The following GPR107 variants were observed in gnomAD, a reference collection of about 807,000 sequenced individuals.
GPR107 encodes G protein-coupled receptor 107.
In GPR107, 31 loss-of-function variants were observed where a neutral mutation model predicts 75.5. The observed-to-expected ratio is 0.41, with a 90% CI of 0.31 to 0.55. The LOEUF (loss-of-function observed/expected upper bound fraction) is 0.55, where lower values mean the gene tolerates loss of function less well. Ranked by LOEUF, GPR107 falls within the 20% of genes least tolerant of loss-of-function variation. The pLI is 0.26. For missense variants in GPR107, 572 were observed against 665.7 expected, an observed-to-expected ratio of 0.86 and a Z score of 1.55; for synonymous variants, 267 against 251.3, an observed-to-expected ratio of 1.06 and a Z score of -0.59.
Position 130,075,670 on chromosome 9 carries a change from T to C in GPR107, c.176T>C (p.Phe59Ser), listed in dbSNP as rs773674300. The change falls in exon 2 of 18, where the codon TTT (phenylalanine) becomes TCT (serine). Residue 59 changes from phenylalanine (F) to serine (S), a missense_variant. By Grantham distance (155) the Phe-to-Ser change is radical (BLOSUM62 -2). Transcript: ENST00000347136. Reference sequence around the variant, plus strand: ...AGGCATAAAGTTCATCTGAACACCTTTGGCTTCTTCAAGGATGGGTACATG... The same window carrying C: ...AGGCATAAAGTTCATCTGAACACCTCTGGCTTCTTCAAGGATGGGTACATG... The part of the protein sequence containing the change: ...DVRHKVHLNT[F>S]GFFKDGYMVV... 2 of 1,605,706 alleles carry C rather than the reference T, an allele frequency of 1.2e-6. No homozygotes were observed. Among genetic ancestry groups the C allele is most frequent in the African/African-American group, 2.7e-5 (2 of 74,756 alleles).
At position 130,140,109 on chromosome 9, in the gene GPR107, G is replaced by A. The variant is rs554671001; in HGVS notation, c.*4988G>A. 1.3e-5 allele frequency: 2 copies of A among 152,202 alleles called. No individual in the cohort carries two copies. The highest frequency in any genetic ancestry group is 1.9e-4 in the East Asian group (1 of 5,180). The allele number at this position is 152,202 out of a possible 1,614,324, so 9.4% of individuals were successfully genotyped here. ...GGGGGATCCGATCATGGTGATGTAC[G>A]GGGTGAATTCTCTTGCCGTGTTGCA... On this transcript the variant is annotated 3_prime_UTR_variant, in exon 18 of 18. Coordinates refer to ENST00000347136, the MANE Select transcript of GPR107 (RefSeq NM_020960.5). This position sits in a 1 kb window ranked among gnomAD's most constrained non-coding sequence, Gnocchi z 4.0.
intron 1 of GPR107, among the ~76,000 whole-genome samples, chr9:130,064,395 T>C (rs1438087601): frequency 1.4e-5 from 2 of 147,338 alleles, no homozygotes; most frequent in African/African-American, 2.5e-5. Context: ...AGAGACGGGG[T>C]TTCACCTTGT....
chr9:130,102,567 C>A (rs1302179341), intron 12 of GPR107, among the ~76,000 whole-genome samples: 3 of 152,124 alleles, frequency 2.0e-5, no homozygotes, highest in African/African-American at 7.2e-5. Context: ...TCTGGGAGGG[C>A]CTTAAATGTC....
intron 13 of GPR107, 150 bp downstream of exon 13, chr9:130,104,700 C>A (rs1412298776): frequency 1.5e-6 from 1 of 657,240 alleles, no homozygotes; most frequent in African/African-American, 1.8e-5. Flanking sequence ...AATCAGCCTC[C>A]AGGGGCAGAA....
rs930837493 is a variant in GPR107, at chr9:130,140,021, T to C, written c.*4900T>C. 6.6e-6 allele frequency: 1 copy of C among 152,060 alleles called. No individual in the cohort carries two copies. Among genetic ancestry groups the C allele is most frequent in the African/African-American group, 2.4e-5 (1 of 41,372 alleles). The allele number at this position is 152,060 out of a possible 1,614,324, so 9.4% of individuals were successfully genotyped here. A position where few individuals can be genotyped will look rare whatever the true frequency, so the allele number is the denominator to read the frequency against. On this transcript the variant is annotated 3_prime_UTR_variant, in exon 18 of 18. Coordinates refer to ENST00000347136, the MANE Select transcript of GPR107 (RefSeq NM_020960.5). This position sits in a 1 kb window ranked among gnomAD's most constrained non-coding sequence, Gnocchi z 4.0. ...TGGGATGCAGAAGGAGTTTTCAGTA[T>C]TTTTTTTAAAACACTAATGATCATT... is the stretch of plus-strand genomic sequence containing the variant.
chr9:130,107,420 A>G (rs1218129061), intron 13 of GPR107, 76 bp from the exon 14 acceptor site: 3 of 863,418 alleles, frequency 3.5e-6, no homozygotes, highest in Non-Finnish European at 6.0e-6. Context: ...ATTCAGCCTC[A>G]AGTTACTAGA....
At chr9:130,089,732 T>A (rs1261178877) in intron 7 of GPR107, among the ~76,000 whole-genome samples, 1 of 152,238 alleles carries the variant, frequency 6.6e-6, no homozygotes, top group African/African-American at 2.4e-5. Context: ...AGAAAAGTTT[T>A]CTTATTCTGG....
chr9:130,111,967 TA>T (rs1336173018), intron 14 of GPR107, among the ~76,000 whole-genome samples: 3 of 152,080 alleles, frequency 2.0e-5, no homozygotes, highest in Admixed American at 2.0e-4. Context: ...CAGACACACC[TA>T]GCGCTGGCTC....
intron 1 of GPR107, among the ~76,000 whole-genome samples, chr9:130,070,297 T>G (rs1830174033): frequency 6.6e-6 from 1 of 151,946 alleles, no homozygotes; most frequent in Non-Finnish European, 1.5e-5. Context: ...CTATTACTCC[T>G]GGCTATTTAT....
rs955761362 is a variant in GPR107, at chr9:130,112,895, G to C, written c.1306+5356G>C. Among the ~76,000 whole-genome samples, 1 of 151,896 alleles carries C rather than the reference G, an allele frequency of 6.6e-6. No homozygotes were observed. Among genetic ancestry groups the C allele is most frequent in the Admixed American group, 6.6e-5 (1 of 15,236 alleles). On this transcript the variant is annotated intron_variant, in intron 14 of 17. Transcript: ENST00000347136. This position sits in a 1 kb window ranked among gnomAD's most constrained non-coding sequence, Gnocchi z 4.0. ...CCTCAAAGTAGCTAGGACTACAGGC[G>C]TGTGCTGCTATGCCTGGCTAATTTT...
At chr9:130,063,722 G>A (rs868666695) in intron 1 of GPR107, among the ~76,000 whole-genome samples, 1 of 151,354 alleles carries the variant, frequency 6.6e-6, no homozygotes, top group South Asian at 2.1e-4. Context: ...GGAAATTCCA[G>A]TGATTGCTTT....
chr9:130,054,183 C>A (rs1412579154), intron 1 of GPR107, 110 bp downstream of exon 1: 2 of 1,088,232 alleles, frequency 1.8e-6, no homozygotes, highest in Non-Finnish European at 2.6e-6. Context: ...ACCTCTTTGC[C>A]CCTGGCTGCG....
intron 10 of GPR107, among the ~76,000 whole-genome samples, chr9:130,100,148 G>C (rs1161156709): frequency 1.3e-5 from 2 of 152,098 alleles, no homozygotes; most frequent in East Asian, 3.9e-4. Context: ...GCCCGCCTCA[G>C]CCTCCCAAAG....
At chr9:130,126,171 G>GT (rs939285597) in intron 15 of GPR107, among the ~76,000 whole-genome samples, 5 of 151,912 alleles carry the variant, frequency 3.3e-5, no homozygotes, top group African/African-American at 9.7e-5. Flanking sequence ...AGTTAAGACA[G>GT]TTTTTTTAAA....
chr9:130,124,942 T>A lies in GPR107; in HGVS notation c.1334T>A (p.Leu445His). ...GCTATTAACTTAGCAAAGCTGAAAC[T>A]TTTCAGACATTATTACGTCTTGGTA... is the stretch of plus-strand genomic sequence containing the variant. ...KAAINLAKLKLFRHYYVLIVC... is the reference protein window; with the variant it reads ...KAAINLAKLKHFRHYYVLIVC... The change falls in exon 15 of 18, where the codon CTT (leucine) becomes CAT (histidine). Residue 445 changes from leucine (L) to histidine (H), a missense_variant. Transcript: ENST00000347136. 1 of 1,531,566 alleles carries A rather than the reference T, an allele frequency of 6.5e-7. No individual in the cohort carries two copies. Among genetic ancestry groups the A allele is most frequent in the East Asian group, 2.3e-5 (1 of 44,296 alleles). The allele number at this position is 1,531,566 out of a possible 1,614,324, so 94.9% of individuals were successfully genotyped here.
chr9:130,131,352 G>A (rs78532890), intron 17 of GPR107, among the ~76,000 whole-genome samples: 3,613 of 152,176 alleles, frequency 0.024, 69 homozygotes, highest in South Asian at 0.039. Context: ...GGAACAGGAT[G>A]TAGCGCCTAC....
chr9:130,093,083 A>G (rs1252450849), intron 9 of GPR107, among the ~76,000 whole-genome samples: 2 of 152,204 alleles, frequency 1.3e-5, no homozygotes, highest in Non-Finnish European at 2.9e-5. Context: ...TGGCGAGAGC[A>G]TGGAGTTACT....
In GPR107 at chr9:130,069,984, C is replaced by CTTTT. The variant is rs1045979986; in HGVS notation, c.142-5628_142-5625dup. On this transcript the variant is annotated intron_variant, in intron 1 of 17. Transcript: ENST00000347136. ...AGGCATAAGCCACCGTGCCTGGCCT[C>CTTTT]TTTTTTTTTTTTTTTTTTTTTTTTT... Among the ~76,000 whole-genome samples the CTTTT allele has an allele frequency of 6.2e-3, 283 of 45,324 alleles. 6 individuals are homozygous for CTTTT. Among genetic ancestry groups the CTTTT allele is most frequent in the African/African-American group, 0.023 (268 of 11,536 alleles). The allele number at this position is 45,324 out of a possible 152,430, so 29.7% of individuals were successfully genotyped here.
intron 7 of GPR107, among the ~76,000 whole-genome samples, chr9:130,087,122 C>CA (rs145689572): frequency 0.05 from 7,611 of 151,962 alleles, 198 homozygotes; most frequent in South Asian, 0.09. Flanking sequence ...ACTGCAGCCT[C>CA]AACCTCCTAG....
Sources: gnomAD v4.1 joint callset for allele counts (sites outside exome capture counted in the v4.1 genomes callset) on GRCh38, gnomAD v4.1.1 for gene constraint, Gnocchi (gnomAD v3.1) non-coding constraint, MANE v1.5 for transcripts, NCBI Gene and HGNC (gene_info 2026-07-23, HGNC 2026-07-21) for gene names.